Variants in SKIC2 observed in about 807,000 individuals in gnomAD.
SKIC2 encodes superkiller complex protein 2.
the SKIC2 span, among the ~76,000 whole-genome samples, chr6:31,964,499 A>G: frequency 6.6e-6 from 1 of 152,186 alleles, no homozygotes; most frequent in Non-Finnish European, 1.5e-5. This position sits in a 1 kb window ranked among gnomAD's most constrained non-coding sequence, Gnocchi z 5.0. Flanking sequence ...CAGGTACACC[A>G]TGTATTCACA....
the SKIC2 span, chr6:31,961,262 G>A: frequency 1.2e-6 from 2 of 1,611,750 alleles, no homozygotes; most frequent in Non-Finnish European, 8.5e-7. Flanking sequence ...GATTTGGGTG[G>A]GGGTGACGAG....
the SKIC2 span, chr6:31,963,474 C>T: frequency 3.7e-6 from 6 of 1,611,880 alleles, no homozygotes; most frequent in Non-Finnish European, 5.1e-6. This position sits in a 1 kb window ranked among gnomAD's most constrained non-coding sequence, Gnocchi z 5.3. Context: ...GCCCCTGGAG[C>T]ACTATCTTTT....
the SKIC2 span, chr6:31,963,136 A>G: frequency 7.6e-7 from 1 of 1,318,562 alleles, no homozygotes; most frequent in Non-Finnish European, 1.1e-6. This position sits in a 1 kb window ranked among gnomAD's most constrained non-coding sequence, Gnocchi z 5.3. Context: ...GGGCTACAGT[A>G]CTCCTTGATT....
the SKIC2 span, chr6:31,960,895 C>CT: frequency 1.2e-6 from 1 of 867,908 alleles, no homozygotes; most frequent in South Asian, 1.5e-5. Flanking sequence ...CTACAACAAC[C>CT]TTTACTGTCA....
the SKIC2 span, chr6:31,961,295 A>C: frequency 6.2e-7 from 1 of 1,605,378 alleles, no homozygotes; most frequent in Non-Finnish European, 8.5e-7. Context: ...GCAGTGGGAC[A>C]GCCAGGAGGT....
the SKIC2 span, chr6:31,961,387 G>A: frequency 1.2e-5 from 18 of 1,548,318 alleles, no homozygotes; most frequent in Non-Finnish European, 1.7e-6. Context: ...AGTGTTGAAG[G>A]TTGGTGGTTC....
chr6:31,968,535 C>G, the SKIC2 span: 2 of 1,611,684 alleles, frequency 1.2e-6, no homozygotes, highest in African/African-American at 2.7e-5. This position sits in a 1 kb window ranked among gnomAD's most constrained non-coding sequence, Gnocchi z 6.1. Flanking sequence ...GTTTTCCTGC[C>G]CAGGTAGGAC....
chr6:31,963,322 T>C, the SKIC2 span: 3 of 1,237,248 alleles, frequency 2.4e-6, no homozygotes, highest in African/African-American at 4.6e-5. The surrounding 1 kb of genome is among the most constrained non-coding windows in gnomAD (Gnocchi z 5.3). Context: ...CAGAAAAGAC[T>C]GGGTAAAGTT....
chr6:31,965,771 CCT>C, the SKIC2 span: 3 of 1,542,528 alleles, frequency 1.9e-6, no homozygotes, highest in Non-Finnish European at 2.7e-6. This position sits in a 1 kb window ranked among gnomAD's most constrained non-coding sequence, Gnocchi z 5.6. Context: ...TTTCTGTTCT[CCT>C]CTGTCCCAGG....
the SKIC2 span, chr6:31,969,674 C>T: frequency 8.1e-6 from 13 of 1,607,002 alleles, no homozygotes; most frequent in East Asian, 2.2e-5. The surrounding 1 kb of genome is among the most constrained non-coding windows in gnomAD (Gnocchi z 6.1). Flanking sequence ...TACCTTGCTA[C>T]GGCGGGACAT....
the SKIC2 span, chr6:31,960,950 T>G: frequency 9.8e-7 from 1 of 1,017,518 alleles, no homozygotes; most frequent in Non-Finnish European, 1.6e-6. Context: ...CTACAGCATC[T>G]GTCCTGTAAA....
chr6:31,966,092 TTTC>T, the SKIC2 span: 1 of 968,816 alleles, frequency 1.0e-6, no homozygotes, highest in Non-Finnish European at 1.5e-6. The surrounding 1 kb of genome is among the most constrained non-coding windows in gnomAD (Gnocchi z 5.9). Flanking sequence ...CTCTCTTCTT[TTTC>T]TTCTTCCTTT....
At chr6:31,963,550 A>G in the SKIC2 span, 2 of 1,582,138 alleles carry the variant, frequency 1.3e-6, no homozygotes, top group Non-Finnish European at 1.7e-6. This position sits in a 1 kb window ranked among gnomAD's most constrained non-coding sequence, Gnocchi z 5.3. Context: ...GGAGCCTTCC[A>G]TACAAAAGGG....
chr6:31,969,182 T>A, the SKIC2 span: 12 of 1,554,640 alleles, frequency 7.7e-6, no homozygotes, highest in Non-Finnish European at 9.7e-6. The surrounding 1 kb of genome is among the most constrained non-coding windows in gnomAD (Gnocchi z 6.1). Context: ...TCCAGCCCTG[T>A]AAGTGCCCCA....
chr6:31,960,035 C>T, the SKIC2 span: 6 of 1,612,992 alleles, frequency 3.7e-6, no homozygotes, highest in Non-Finnish European at 4.2e-6. Flanking sequence ...CCTCCTTGTG[C>T]CCCAGATCTG....
At chr6:31,962,058 T>C in the SKIC2 span, 7 of 1,611,990 alleles carry the variant, frequency 4.3e-6, no homozygotes, top group African/African-American at 1.3e-5. This position sits in a 1 kb window ranked among gnomAD's most constrained non-coding sequence, Gnocchi z 5.0. Context: ...TGACACGGTA[T>C]GAGTTCCTTT....
chr6:31,968,170 G>A, the SKIC2 span: 12,969 of 1,563,666 alleles, frequency 8.3e-3, 705 homozygotes, highest in South Asian at 0.1. The surrounding 1 kb of genome is among the most constrained non-coding windows in gnomAD (Gnocchi z 6.1). Flanking sequence ...TCCAGCCTGA[G>A]GGAGACCATG....
At chr6:31,963,173 C>A in the SKIC2 span, 1 of 1,050,986 alleles carries the variant, frequency 9.5e-7, no homozygotes, top group Non-Finnish European at 1.4e-6. This position sits in a 1 kb window ranked among gnomAD's most constrained non-coding sequence, Gnocchi z 5.3. Flanking sequence ...TCTACCACAG[C>A]AAGGAGAGCG....
the SKIC2 span, chr6:31,963,042 CTTCTGAGTG>C: frequency 6.2e-7 from 1 of 1,612,892 alleles, no homozygotes; most frequent in Non-Finnish European, 8.5e-7. The surrounding 1 kb of genome is among the most constrained non-coding windows in gnomAD (Gnocchi z 5.3). Context: ...TTCTATCATC[CTTCTGAGTG>C]CCACCGTCCC....
Sources: allele counts gnomAD v4.1 joint callset (sites outside exome capture counted in the v4.1 genomes callset), GRCh38; gene constraint gnomAD v4.1.1; non-coding constraint Gnocchi (gnomAD v3.1); transcripts MANE v1.5; gene names NCBI Gene and HGNC (gene_info 2026-07-23, HGNC 2026-07-21).